The following GRM5 variants were observed in gnomAD, a reference collection of about 807,000 sequenced individuals.
The protein encoded by GRM5 is metabotropic glutamate receptor 5.
A neutral mutation model predicts 83.1 loss-of-function variants in GRM5; 19 were observed. The ratio of observed to expected loss-of-function variants is 0.23; its 90% CI spans 0.16 to 0.34. The LOEUF (loss-of-function observed/expected upper bound fraction) is 0.34, where lower values mean the gene tolerates loss of function less well. GRM5 is among the 10% of genes least tolerant of loss of function. GRM5 has a pLI of 1.00. For missense variants in GRM5, 1,160 were observed against 1,588.3 expected (o/e 0.73, Z 4.58); for synonymous variants, 675 against 633.6 (o/e 1.07, Z -0.98).
At chr11:88,729,911 TA>T (rs1941769143) in intron 3 of GRM5, among the ~76,000 whole-genome samples, 1 of 152,172 alleles carries the variant, frequency 6.6e-6, no homozygotes, top group South Asian at 2.1e-4. Flanking sequence ...ATGTAAGACC[TA>T]AAATCATAAA....
At chr11:88,837,911 C>T (rs187792036) in intron 3 of GRM5, among the ~76,000 whole-genome samples, 2,437 of 151,656 alleles carry the variant, frequency 0.016, 64 homozygotes, top group African/African-American at 0.056. Flanking sequence ...GGTGAAACCC[C>T]GTTTCTACTA....
At chr11:88,959,874 G>C in intron 2 of GRM5, among the ~76,000 whole-genome samples, 1 of 152,194 alleles carries the variant, frequency 6.6e-6, no homozygotes, top group Non-Finnish European at 1.5e-5. Context: ...AAGTCTTCTT[G>C]ACAGAAGAAA....
intron 2 of GRM5, among the ~76,000 whole-genome samples, chr11:88,876,315 T>A (rs1944852939): frequency 6.6e-6 from 1 of 152,086 alleles, no homozygotes; most frequent in South Asian, 2.1e-4. Context: ...TCCTCACCAT[T>A]CTCAGCCTTG....
At chr11:88,745,665 T>C (rs1942122210) in intron 3 of GRM5, among the ~76,000 whole-genome samples, 1 of 152,212 alleles carries the variant, frequency 6.6e-6, no homozygotes, top group South Asian at 2.1e-4. Context: ...TCCAAAAAGA[T>C]GGAAAACTTA....
At chr11:88,798,475 C>T (rs913175699) in intron 3 of GRM5, among the ~76,000 whole-genome samples, 1 of 152,052 alleles carries the variant, frequency 6.6e-6, no homozygotes, top group Non-Finnish European at 1.5e-5. Flanking sequence ...GGAAATTCTA[C>T]AAGGCTTATT....
intron 2 of GRM5, among the ~76,000 whole-genome samples, chr11:89,021,613 C>G (rs1278018370): frequency 6.6e-6 from 1 of 152,078 alleles, no homozygotes; most frequent in African/African-American, 2.4e-5. Context: ...TCCCGTGATC[C>G]CTTGAAAAAA....
chr11:88,560,725 C>G (rs7924961), intron 8 of GRM5, among the ~76,000 whole-genome samples: 1 of 152,030 alleles, frequency 6.6e-6, no homozygotes. Flanking sequence ...GCATGGCAAG[C>G]ACTGTGCTAG....
At chr11:88,698,546 A>G (rs1056363583) in intron 3 of GRM5, among the ~76,000 whole-genome samples, 1 of 152,172 alleles carries the variant, frequency 6.6e-6, no homozygotes, top group Non-Finnish European at 1.5e-5. Flanking sequence ...TCAAGAAGAG[A>G]GTAGTTATTG....
chr11:88,570,571 A>ATATATATATATATAT (rs1405339448), intron 7 of GRM5, among the ~76,000 whole-genome samples: 1 of 46,376 alleles, frequency 2.2e-5, no homozygotes, highest in African/African-American at 1.3e-4. Context: ...ATATATATAT[A>ATATATATATATATAT]TTTTTTTTTT....
chr11:88,772,045 T>G (rs1057438138), intron 3 of GRM5, among the ~76,000 whole-genome samples: 2 of 152,104 alleles, frequency 1.3e-5, no homozygotes, highest in Admixed American at 1.3e-4. Context: ...TTTTTTTTTT[T>G]TAACTGAGCA....
At chr11:89,050,207 A>T (rs1236347315) in intron 1 of GRM5, among the ~76,000 whole-genome samples, 1 of 152,216 alleles carries the variant, frequency 6.6e-6, no homozygotes, top group African/African-American at 2.4e-5. Flanking sequence ...TTACTTATTT[A>T]ACAAAAAATT....
At chr11:88,957,639 A>G (rs1166723089) in intron 2 of GRM5, among the ~76,000 whole-genome samples, 1 of 152,226 alleles carries the variant, frequency 6.6e-6, no homozygotes, top group Non-Finnish European at 1.5e-5. Context: ...AAATGGACAT[A>G]TAAATATATT....
At chr11:88,552,213 G>A (rs559825931) in intron 8 of GRM5, among the ~76,000 whole-genome samples, 4 of 151,956 alleles carry the variant, frequency 2.6e-5, no homozygotes, top group South Asian at 2.1e-4. Context: ...TTTTTGTAGC[G>A]ATGGGGTCTT....
intron 3 of GRM5, among the ~76,000 whole-genome samples, chr11:88,845,866 AT>A (rs1419033668): frequency 6.6e-6 from 1 of 152,196 alleles, no homozygotes; most frequent in Non-Finnish European, 1.5e-5. Context: ...AAATGACTGA[AT>A]TTGGAATAGA....
intron 4 of GRM5, among the ~76,000 whole-genome samples, chr11:88,629,438 C>T (rs952538691): frequency 1.3e-5 from 2 of 152,176 alleles, no homozygotes; most frequent in African/African-American, 4.8e-5. Flanking sequence ...CTTCCTAATC[C>T]ATTTCTGTCT....
intron 2 of GRM5, among the ~76,000 whole-genome samples, chr11:89,011,574 C>T (rs938943334): frequency 3.3e-5 from 5 of 152,136 alleles, no homozygotes; most frequent in African/African-American, 1.2e-4. Context: ...CACAAAATTG[C>T]CTTTTCATTC....
At chr11:88,795,164 G>T (rs150285383) in intron 3 of GRM5, among the ~76,000 whole-genome samples, 1 of 152,336 alleles carries the variant, frequency 6.6e-6, no homozygotes, top group African/African-American at 2.4e-5. Context: ...ACATGTAGAA[G>T]TTCTACAAAT....
chr11:89,031,628 AGCT>A (rs986363201), intron 2 of GRM5, among the ~76,000 whole-genome samples: 1 of 152,024 alleles, frequency 6.6e-6, no homozygotes, highest in African/African-American at 2.4e-5. Context: ...TTATGTATAT[AGCT>A]GCTTTTTTAA....
intron 3 of GRM5, among the ~76,000 whole-genome samples, chr11:88,704,871 C>T (rs1423136915): frequency 2.0e-5 from 3 of 151,970 alleles, no homozygotes; most frequent in Non-Finnish European, 4.4e-5. Context: ...GATAATTAGC[C>T]TTGTCTTCCC....
Sources: allele counts gnomAD v4.1 joint callset (sites outside exome capture counted in the v4.1 genomes callset), GRCh38; gene constraint gnomAD v4.1.1; transcripts MANE v1.5; gene names NCBI Gene and HGNC (gene_info 2026-07-23, HGNC 2026-07-21).